The following ZNF407 variants were observed in gnomAD, a reference collection of about 807,000 sequenced individuals.
The protein encoded by ZNF407 is zinc finger protein 407.
In ZNF407, 17 loss-of-function variants were observed where a neutral mutation model predicts 131.2. That is an observed-to-expected ratio of 0.13 (90% CI 0.09 to 0.19). The LOEUF (loss-of-function observed/expected upper bound fraction) is 0.19. ZNF407 is among the 10% of genes least tolerant of loss of function. ZNF407 has a pLI of 1.00. For synonymous variants in ZNF407, 1,156 were observed against 1,062.0 expected (o/e 1.09, Z -1.72); for missense variants, 2,681 against 2,830.6 (o/e 0.95, Z 1.20).
chr18:74,817,247 A>G (rs1970279731), intron 4 of ZNF407, among the ~76,000 whole-genome samples: 4 of 152,204 alleles, frequency 2.6e-5, no homozygotes, highest in African/African-American at 9.7e-5. Context: ...CTTTCTGACC[A>G]TGAATTGCAG....
At chr18:74,657,554 A>G (rs1485979658) in intron 3 of ZNF407, among the ~76,000 whole-genome samples, 1 of 152,188 alleles carries the variant, frequency 6.6e-6, no homozygotes, top group Non-Finnish European at 1.5e-5. Flanking sequence ...TACAGGTATT[A>G]ATGGATGGGC....
At position 74,632,538 on chromosome 18, in the gene ZNF407, C is replaced by A. The variant is rs780972850; in HGVS notation, c.1519C>A (p.Arg507Ser). 3.1e-6 allele frequency: 5 copies of A among 1,613,868 alleles called. No homozygotes were observed. Among genetic ancestry groups the A allele is most frequent in the African/African-American group, 1.3e-5 (1 of 74,938 alleles). Residue 507 changes from arginine to serine, a missense_variant, in exon 2 of 9, where the codon CGT becomes AGT. Around this residue, in one of 6 missense-constraint regions of ZNF407, gnomAD observed 1,789 missense variants for 1,748.7 expected, o/e 1.02. Coordinates refer to ENST00000299687, the MANE Select transcript of ZNF407 (RefSeq NM_017757.3). Reference sequence around the variant, plus strand: ...GGCAGAGCAGGGCCAGGGGAGTGCCCGTCCTCCGGACTCCGGGCTGCATTC... The same window carrying A: ...GGCAGAGCAGGGCCAGGGGAGTGCCAGTCCTCCGGACTCCGGGCTGCATTC... ...QEAEQGQGSA[R>S]PPDSGLHSLT...
intron 8 of ZNF407, among the ~76,000 whole-genome samples, chr18:75,015,501 A>C (rs1338203048): frequency 6.8e-6 from 1 of 147,798 alleles, no homozygotes; most frequent in Non-Finnish European, 1.5e-5. Context: ...AGAATGGAGA[A>C]TATATATATA....
At chr18:74,639,934 CA>C (rs1984632936) in intron 2 of ZNF407, among the ~76,000 whole-genome samples, 1 of 151,834 alleles carries the variant, frequency 6.6e-6, no homozygotes, top group Non-Finnish European at 1.5e-5. Context: ...TGATTTATTA[CA>C]ATTTTTTAAA....
intron 1 of ZNF407, among the ~76,000 whole-genome samples, chr18:74,610,236 A>G (rs538794115): frequency 6.6e-6 from 1 of 152,352 alleles, no homozygotes; most frequent in East Asian, 1.9e-4. Context: ...ATCTTTTCAC[A>G]TGATTGTGGA....
chr18:74,880,954 T>C, intron 5 of ZNF407, 82 bp from the exon 6 acceptor site: 1 of 1,154,712 alleles, frequency 8.7e-7, no homozygotes, highest in South Asian at 1.3e-5. Context: ...ATTGGAGGAA[T>C]TAGTAACCCT....
At chr18:74,813,838 A>G (rs1015551043) in intron 4 of ZNF407, among the ~76,000 whole-genome samples, 20 of 152,182 alleles carry the variant, frequency 1.3e-4, no homozygotes, top group African/African-American at 4.6e-4. Context: ...TTTGGTTTGC[A>G]GGATCTATAT....
intron 4 of ZNF407, among the ~76,000 whole-genome samples, chr18:74,814,987 A>C (rs889730312): frequency 3.3e-5 from 5 of 151,850 alleles, no homozygotes; most frequent in African/African-American, 1.2e-4. Context: ...TTACATTATA[A>C]AATTTTACAA....
Position 74,634,449 on chromosome 18 carries a change from G to A in ZNF407, c.3430G>A (p.Ala1144Thr), listed in dbSNP as rs200194849. The change falls in exon 2 of 9, where the codon GCT becomes ACT. Residue 1144 changes from alanine (A) to threonine (T), a missense_variant. Around this residue, in one of 6 missense-constraint regions of ZNF407, gnomAD observed 1,789 missense variants for 1,748.7 expected, o/e 1.02. Coordinates refer to ENST00000299687, the MANE Select transcript of ZNF407 (RefSeq NM_017757.3). Reference protein sequence around the residue: ...TNLDMSKVLCAADSVEVETEE... With the variant: ...TNLDMSKVLCTADSVEVETEE... ...TTTAGATATGTCTAAAGTGCTCTGC[G>A]CTGCTGACTCTGTAGAAGTTGAGAC... 32 of 1,613,516 alleles carry A rather than the reference G, an allele frequency of 2.0e-5. No individual in the cohort carries two copies. The highest frequency in any genetic ancestry group is 1.6e-4 in the Middle Eastern group (1 of 6,084).
intron 8 of ZNF407, among the ~76,000 whole-genome samples, chr18:75,056,886 T>C (rs1973567948): frequency 6.6e-6 from 1 of 152,254 alleles, no homozygotes; most frequent in African/African-American, 2.4e-5. Context: ...CATTAAAATA[T>C]GGCTCTAATT....
intron 1 of ZNF407, among the ~76,000 whole-genome samples, chr18:74,625,961 A>G (rs1470897274): frequency 6.6e-6 from 1 of 152,234 alleles, no homozygotes; most frequent in Non-Finnish European, 1.5e-5. Context: ...TTTCATCAGA[A>G]TTTAAAACTT....
At chr18:74,767,137 C>T (rs1969251977) in intron 3 of ZNF407, among the ~76,000 whole-genome samples, 1 of 152,140 alleles carries the variant, frequency 6.6e-6, no homozygotes, top group Admixed American at 6.5e-5. Flanking sequence ...GCCTCGATCT[C>T]CTGACCTCAG....
chr18:74,987,510 T>C (rs1408215095), intron 8 of ZNF407, among the ~76,000 whole-genome samples: 1 of 152,210 alleles, frequency 6.6e-6, no homozygotes, highest in African/African-American at 2.4e-5. Context: ...CAGGCTTCTC[T>C]ATTGATCGGG....
chr18:75,050,375 G>T (rs1237796516), intron 8 of ZNF407, among the ~76,000 whole-genome samples: 1 of 152,206 alleles, frequency 6.6e-6, no homozygotes. Flanking sequence ...ATTATGAAAA[G>T]TCTAAAATTT....
intron 4 of ZNF407, among the ~76,000 whole-genome samples, chr18:74,856,219 A>G (rs77237104): frequency 0.015 from 2,361 of 152,340 alleles, 61 homozygotes; most frequent in African/African-American, 0.053. Flanking sequence ...TTAACAAAGC[A>G]GCCTTCATGT....
At chr18:74,853,804 A>T (rs1970822294) in intron 4 of ZNF407, among the ~76,000 whole-genome samples, 1 of 152,154 alleles carries the variant, frequency 6.6e-6, no homozygotes, top group African/African-American at 2.4e-5. Context: ...AAGTCTGACA[A>T]GCAGTAGGAG....
intron 3 of ZNF407, among the ~76,000 whole-genome samples, chr18:74,727,216 G>T (rs546321090): frequency 2.0e-5 from 3 of 152,290 alleles, no homozygotes; most frequent in Admixed American, 2.0e-4. Flanking sequence ...TAGACAGGAT[G>T]TGTGAACCGA....
chr18:74,720,200 A>G (rs1967997203), intron 3 of ZNF407, among the ~76,000 whole-genome samples: 1 of 151,414 alleles, frequency 6.6e-6, no homozygotes. Context: ...CTTTTTGAGA[A>G]TTGTCATTCA....
At chr18:74,758,861 T>C (rs1969025892) in intron 3 of ZNF407, among the ~76,000 whole-genome samples, 1 of 152,174 alleles carries the variant, frequency 6.6e-6, no homozygotes, top group Admixed American at 6.6e-5. Flanking sequence ...ATTACAGGCA[T>C]GAGTCACTAT....
Sources: gnomAD v4.1 joint callset for allele counts (sites outside exome capture counted in the v4.1 genomes callset) on GRCh38, gnomAD v4.1.1 for gene constraint, gnomAD v4.1.1 regional missense constraint, MANE v1.5 for transcripts, NCBI Gene and HGNC (gene_info 2026-07-23, HGNC 2026-07-21) for gene names.